Variants in PACC1 observed in about 807,000 individuals in gnomAD.
The protein encoded by PACC1 is proton-activated chloride channel.
In PACC1, 34 loss-of-function variants were observed where a neutral mutation model predicts 39.7. That is an observed-to-expected ratio of 0.86 (90% confidence interval 0.65 to 1.14). The LOEUF (loss-of-function observed/expected upper bound fraction) is 1.14, where lower values mean the gene tolerates loss of function less well. Among genes scored for constraint, PACC1 ranks in the 50% most tolerant of loss-of-function variants. The pLI, the probability that PACC1 is intolerant of heterozygous loss-of-function variation, is 0.00. For missense variants in PACC1, 379 were observed against 436.4 expected (o/e 0.87, Z 1.17); for synonymous variants, 127 against 160.6 (o/e 0.79, Z 1.58).
Position 212,381,311 on chromosome 1 carries a change from A to G in PACC1, c.496-1274T>C, listed in dbSNP as rs549265745. Among the ~76,000 whole-genome samples the G allele has an allele frequency of 1.5e-3, 222 of 152,306 alleles. 1 individual carries two copies. Among genetic ancestry groups the G allele is most frequent in the African/African-American group, 5.1e-3 (214 of 41,570 alleles). On this transcript the variant is annotated intron_variant, in intron 4 of 7. Coordinates refer to ENST00000261455, the MANE Select transcript of PACC1 (RefSeq NM_018252.3). ...TCAATATTAAACATCCTTCTTGCAA[A>G]CTTTTGCACGTGGAATTCCACACTA...
chr1:212,407,276 G>C (rs1238335014), intron 2 of PACC1, among the ~76,000 whole-genome samples: 3 of 152,122 alleles, frequency 2.0e-5, no homozygotes, highest in African/African-American at 7.2e-5. Flanking sequence ...TGCAGGAAGG[G>C]GCCACAAGCC....
chr1:212,403,995 C>CT (rs1253544679), intron 2 of PACC1, among the ~76,000 whole-genome samples: 1 of 152,248 alleles, frequency 6.6e-6, no homozygotes, highest in African/African-American at 2.4e-5. Flanking sequence ...AAAGCACCCT[C>CT]TCACATCAGC....
At chr1:212,370,996 C>T (rs1558163257) in intron 7 of PACC1, among the ~76,000 whole-genome samples, 1 of 151,834 alleles carries the variant, frequency 6.6e-6, no homozygotes, top group Admixed American at 6.6e-5. Flanking sequence ...ACCTGTAATC[C>T]CAACACTTTG....
chr1:212,407,966 T>G (rs948000457), intron 2 of PACC1, among the ~76,000 whole-genome samples: 12 of 149,864 alleles, frequency 8.0e-5, no homozygotes, highest in Non-Finnish European at 1.5e-4. Flanking sequence ...CCCAGCTACT[T>G]GGGAGGCTGA....
intron 7 of PACC1, among the ~76,000 whole-genome samples, chr1:212,370,326 G>A (rs919302276): frequency 7.9e-5 from 12 of 152,084 alleles, no homozygotes; most frequent in African/African-American, 1.9e-4. Context: ...AAAATTAGCC[G>A]GGCCTGGTGG....
intron 2 of PACC1, among the ~76,000 whole-genome samples, chr1:212,388,638 G>A (rs1418361207): frequency 6.6e-6 from 1 of 152,180 alleles, no homozygotes; most frequent in African/African-American, 2.4e-5. Flanking sequence ...CAATGAGAAG[G>A]CAGCCATCTG....
In PACC1 at chr1:212,387,090, G is replaced by C; in HGVS notation, c.144C>G (p.Ser48Arg). The C allele has an allele frequency of 6.2e-7, 1 of 1,613,800 alleles. No homozygotes were observed. ...AGCGGATGCTGCTGGAGGCGGACTC[G>C]CTGTCCAGGCCTGACAACAACAAAA... ...QGPGILPGLD[S>R]ESASSSIRFS... Residue 48 changes from serine (S) to arginine (R), a missense_variant, in exon 3 of 8, where the codon AGC becomes AGG. Ser to Arg is a moderately radical substitution (Grantham distance 110). Coordinates refer to ENST00000261455, the MANE Select transcript of PACC1 (RefSeq NM_018252.3).
At chr1:212,405,256 T>G (rs1334446440) in intron 2 of PACC1, among the ~76,000 whole-genome samples, 3 of 152,198 alleles carry the variant, frequency 2.0e-5, no homozygotes, top group African/African-American at 7.2e-5. Flanking sequence ...CTCATACTTC[T>G]ATGGAGTCAT....
intron 7 of PACC1, among the ~76,000 whole-genome samples, chr1:212,367,899 C>T (rs1660301269): frequency 1.3e-5 from 2 of 152,156 alleles, no homozygotes; most frequent in South Asian, 4.1e-4. Flanking sequence ...AGCTTCACCA[C>T]TGGCTGACTA....
Position 212,386,942 on chromosome 1 carries a change from G to T in PACC1, c.292C>A (p.His98Asn). 5 of 1,614,198 alleles carry T rather than the reference G, an allele frequency of 3.1e-6. No individual in the cohort carries two copies. The highest frequency in any genetic ancestry group is 4.2e-6 in the Non-Finnish European group (5 of 1,180,030). Residue 98 changes from histidine to asparagine, a missense_variant, in exon 3 of 8, where the codon CAC (histidine) becomes AAC (asparagine). By Grantham distance (68) the His-to-Asn change is moderately conservative (BLOSUM62 1). Transcript: ENST00000261455. The surrounding 1 kb of genome is among the most constrained non-coding windows in gnomAD (Gnocchi z 5.0). The stretch of plus-strand genomic sequence containing the variant: ...TTGTAAGACACAGACATGACAGGGT[G>T]CTTGAGTTTCTCACGAAAGTCTGTG... ...TITDFREKLK[H>N]PVMSVSYKEV...
intron 7 of PACC1, among the ~76,000 whole-genome samples, chr1:212,367,146 C>CA (rs1434573673): frequency 6.6e-6 from 1 of 152,144 alleles, no homozygotes; most frequent in Admixed American, 6.6e-5. Context: ...GAGAACCCTC[C>CA]AGCGATAGTC....
chr1:212,392,438 G>T (rs1374016013), intron 2 of PACC1, among the ~76,000 whole-genome samples: 1 of 152,188 alleles, frequency 6.6e-6, no homozygotes. Context: ...GCTCCTGAAG[G>T]AAGCACTAAA....
At chr1:212,399,918 C>T (rs1356957152) in intron 2 of PACC1, among the ~76,000 whole-genome samples, 1 of 151,924 alleles carries the variant, frequency 6.6e-6, no homozygotes, top group Non-Finnish European at 1.5e-5. Flanking sequence ...AATCTTGGTT[C>T]ACCGCAACCT....
chr1:212,379,414 A>G (rs770535479), intron 5 of PACC1, among the ~76,000 whole-genome samples: 1 of 152,238 alleles, frequency 6.6e-6, no homozygotes, highest in Non-Finnish European at 1.5e-5. Context: ...TTTTGGCTGC[A>G]TAGGCAGGAG....
intron 3 of PACC1, among the ~76,000 whole-genome samples, chr1:212,385,717 C>T (rs1055539767): frequency 2.0e-5 from 3 of 152,176 alleles, no homozygotes; most frequent in Admixed American, 6.5e-5. Context: ...CCACACCCTC[C>T]GAAGGAGTGT....
intron 1 of PACC1, 103 bp downstream of exon 1, chr1:212,414,619 C>T (rs1049779453): frequency 1.4e-6 from 2 of 1,438,010 alleles, no homozygotes; most frequent in African/African-American, 2.8e-5. Flanking sequence ...CGGAAGAGCC[C>T]TCTGCCGCGC....
At chr1:212,406,646 G>C (rs1360827120) in intron 2 of PACC1, among the ~76,000 whole-genome samples, 2 of 152,142 alleles carry the variant, frequency 1.3e-5, no homozygotes, top group African/African-American at 4.8e-5. Flanking sequence ...ATTTAGAAAG[G>C]AGATGAGCCC....
At chr1:212,404,770 T>C (rs1661846576) in intron 2 of PACC1, among the ~76,000 whole-genome samples, 1 of 151,870 alleles carries the variant, frequency 6.6e-6, no homozygotes, top group Non-Finnish European at 1.5e-5. Flanking sequence ...ATTTTTGTAT[T>C]TGTATTTTTA....
chr1:212,381,804 A>G (rs1660906566), intron 4 of PACC1, among the ~76,000 whole-genome samples: 1 of 51,912 alleles, frequency 1.9e-5, no homozygotes, highest in African/African-American at 1.5e-4. Flanking sequence ...CACTGCCCAC[A>G]TGGACCAGAA....
Sources: gnomAD v4.1 joint callset for allele counts (sites outside exome capture counted in the v4.1 genomes callset) on GRCh38, gnomAD v4.1.1 for gene constraint, Gnocchi (gnomAD v3.1) non-coding constraint, MANE v1.5 for transcripts, NCBI Gene and HGNC (gene_info 2026-07-23, HGNC 2026-07-21) for gene names.